Variants in SND1 observed in about 807,000 individuals in gnomAD.
SND1 encodes the protein staphylococcal nuclease and tudor domain containing 1, also known as staphylococcal nuclease domain-containing protein 1.
In SND1, 38 loss-of-function variants were observed where a neutral mutation model predicts 121.7. The ratio of observed to expected loss-of-function variants is 0.31; its 90% CI spans 0.24 to 0.41. The LOEUF (loss-of-function observed/expected upper bound fraction) is 0.41, where lower values mean the gene tolerates loss of function less well. Ranked by LOEUF, SND1 falls within the 10% of genes least tolerant of loss-of-function variation. SND1 has a pLI of 1.00. For missense variants in SND1, 868 were observed against 1,184.6 expected, an observed-to-expected ratio of 0.73 and a Z score of 3.92; for synonymous variants, 401 against 447.4, an observed-to-expected ratio of 0.90 and a Z score of 1.31.
chr7:127,881,280 T>C (rs1799783982), intron 12 of SND1, among the ~76,000 whole-genome samples: 1 of 152,150 alleles, frequency 6.6e-6, no homozygotes, highest in Admixed American at 6.5e-5. Context: ...CACCCTAGGT[T>C]ATTGGATAAT....
chr7:127,811,105 A>T (rs890660469), intron 11 of SND1, among the ~76,000 whole-genome samples: 2 of 152,178 alleles, frequency 1.3e-5, no homozygotes, highest in Admixed American at 6.6e-5. Context: ...ATTGGGGATG[A>T]GCCTCATTTG....
chr7:127,976,978 G>A (rs1802134629), intron 15 of SND1, among the ~76,000 whole-genome samples: 1 of 152,136 alleles, frequency 6.6e-6, no homozygotes, highest in African/African-American at 2.4e-5. Flanking sequence ...CGCACTAATG[G>A]AGCTGTCTCT....
intron 3 of SND1, among the ~76,000 whole-genome samples, chr7:127,696,980 T>C (rs1796016218): frequency 6.6e-6 from 1 of 152,264 alleles, no homozygotes. Context: ...TAACTCTTAA[T>C]GCCAATTCTA....
intron 12 of SND1, among the ~76,000 whole-genome samples, chr7:127,870,870 A>G (rs778980389): frequency 4.6e-5 from 7 of 152,294 alleles, no homozygotes; most frequent in Non-Finnish European, 8.8e-5. Context: ...ATAATGCTTA[A>G]TTTTTTTAAA....
intron 11 of SND1, among the ~76,000 whole-genome samples, chr7:127,808,215 T>C (rs993546254): frequency 2.0e-5 from 3 of 147,530 alleles, no homozygotes; most frequent in Admixed American, 7.0e-5. Context: ...TAGTCTGGAG[T>C]GCAGAGGTGT....
intron 6 of SND1, 84 bp from the exon 7 acceptor site, chr7:127,703,080 GT>G: frequency 6.7e-7 from 1 of 1,491,408 alleles, no homozygotes; most frequent in Non-Finnish European, 9.3e-7. Context: ...TGGCATGTGT[GT>G]TTTTTGGAAG....
At chr7:127,865,648 C>G (rs1313897552) in intron 12 of SND1, among the ~76,000 whole-genome samples, 2 of 152,002 alleles carry the variant, frequency 1.3e-5, no homozygotes, top group Non-Finnish European at 2.9e-5. Flanking sequence ...CAAGGTCTTG[C>G]CCTATCACTC....
chr7:127,844,347 T>A lies in SND1; in HGVS notation c.1266T>A (p.Ile422=), dbSNP rs765071280. The change falls in exon 12 of 24, where the codon ATT becomes ATA. Residue 422 remains isoleucine (I), a synonymous_variant. Coordinates refer to ENST00000354725, the MANE Select transcript of SND1 (RefSeq NM_014390.4). ...GKKVNVTVDY[I]RPASPATETV... ...AGGTCAATGTGACGGTGGACTACAT[T>A]AGACCAGCCAGCCCAGCCACAGAGA... The A allele has an allele frequency of 6.2e-7, 1 of 1,613,438 alleles. No homozygotes were observed. The highest frequency in any genetic ancestry group is 2.2e-5 in the East Asian group (1 of 44,858).
rs1800346549 is a variant in SND1, at chr7:127,906,634, A to T, written c.1527+1815A>T. 1.3e-5 allele frequency among the ~76,000 whole-genome samples: 2 copies of T among 152,048 alleles called. 1 individual carries two copies. The highest frequency in any genetic ancestry group is 4.1e-4 in the South Asian group (2 of 4,832). ...CAGGGCCTTCCAGAAGCTGATTTCAACCTTAGGGATAGGCTCTCTCCTTGG... is the reference window on the plus strand; with the variant it reads ...CAGGGCCTTCCAGAAGCTGATTTCATCCTTAGGGATAGGCTCTCTCCTTGG... On this transcript the variant is annotated intron_variant, in intron 14 of 23. Transcript: ENST00000354725.
chr7:127,953,326 C>T (rs144970380), intron 15 of SND1, among the ~76,000 whole-genome samples: 58 of 151,986 alleles, frequency 3.8e-4, no homozygotes, highest in Non-Finnish European at 7.8e-4. Context: ...ATCTCTTTTC[C>T]GTCCCCTGAA....
intron 10 of SND1, among the ~76,000 whole-genome samples, chr7:127,769,549 C>G (rs1324415176): frequency 6.6e-6 from 1 of 152,102 alleles, no homozygotes; most frequent in East Asian, 1.9e-4. Flanking sequence ...CCTGGTTTCT[C>G]TCTGTTACTT....
chr7:127,724,195 C>T (rs1796544350), intron 10 of SND1, among the ~76,000 whole-genome samples: 3 of 152,282 alleles, frequency 2.0e-5, no homozygotes, highest in Middle Eastern at 6.8e-3. Flanking sequence ...AGGGGAAATA[C>T]ACAAGTAATT....
intron 15 of SND1, among the ~76,000 whole-genome samples, chr7:127,930,986 G>A (rs888282437): frequency 1.3e-5 from 2 of 152,022 alleles, no homozygotes; most frequent in Non-Finnish European, 2.9e-5. Context: ...ATCTGTTATG[G>A]TGATCTGTGA....
At chr7:127,732,510 G>A (rs1796697551) in intron 10 of SND1, among the ~76,000 whole-genome samples, 2 of 152,316 alleles carry the variant, frequency 1.3e-5, no homozygotes, top group South Asian at 4.1e-4. Context: ...GCATGAGCCT[G>A]CAAATGAATG....
chr7:127,775,795 C>T lies in SND1; in HGVS notation c.1153-31689C>T, dbSNP rs186902992. On this transcript the variant is annotated intron_variant, in intron 10 of 23. Transcript: ENST00000354725. ...TCCTGAGCTCAAGCAGTATCACCCA[C>T]CCTCAGTATTCTGTTATATATAGCA... Among the ~76,000 whole-genome samples the T allele has an allele frequency of 1.1e-3, 165 of 152,186 alleles. 2 individuals are homozygous for T. In the Middle Eastern group the frequency reaches 0.02, roughly 19 times the overall value.
At chr7:127,702,386 C>T (rs1446435830) in intron 5 of SND1, 49 bp from the exon 6 acceptor site, 3 of 1,547,264 alleles carry the variant, frequency 1.9e-6, no homozygotes, top group African/African-American at 1.4e-5. Context: ...AGTGTTTATC[C>T]TTGTTAGGAT....
At chr7:127,669,946 T>G (rs923765054) in intron 1 of SND1, among the ~76,000 whole-genome samples, 1 of 152,180 alleles carries the variant, frequency 6.6e-6, no homozygotes, top group Non-Finnish European at 1.5e-5. Context: ...TTTTTCTAGT[T>G]TAGACTGGAG....
intron 16 of SND1, among the ~76,000 whole-genome samples, chr7:128,049,184 T>C (rs1346427186): frequency 1.3e-5 from 2 of 152,148 alleles, no homozygotes; most frequent in Non-Finnish European, 2.9e-5. Flanking sequence ...TTCACTCTTC[T>C]CTTCCCAACT....
At chr7:128,082,046 T>G (rs1187576706) in intron 18 of SND1, 2 of 509,696 alleles carry the variant, frequency 3.9e-6, no homozygotes, top group Non-Finnish European at 8.2e-6. Context: ...CCGGGCAGTC[T>G]CTGAAGGACC....
Sources: allele counts gnomAD v4.1 joint callset (sites outside exome capture counted in the v4.1 genomes callset), GRCh38; gene constraint gnomAD v4.1.1; transcripts MANE v1.5; gene names NCBI Gene and HGNC (gene_info 2026-07-23, HGNC 2026-07-21).